The following TTC12 variants were observed in gnomAD, a reference collection of about 807,000 sequenced individuals.
The protein encoded by TTC12 is tetratricopeptide repeat protein 12.
TTC12 carries 70 observed loss-of-function variants against 90.1 expected under a neutral mutation model. The observed-to-expected ratio is 0.78, with a 90% CI of 0.64 to 0.95. The LOEUF is 0.95. TTC12 is among the 40% of genes least tolerant of loss of function. The pLI is 0.00. For missense variants in TTC12, 819 were observed against 846.1 expected (o/e 0.97, Z 0.40); for synonymous variants, 296 against 311.5 (o/e 0.95, Z 0.53).
intron 18 of TTC12, among the ~76,000 whole-genome samples, chr11:113,361,768 G>C (rs970323462): frequency 6.6e-6 from 1 of 151,940 alleles, no homozygotes; most frequent in Non-Finnish European, 1.5e-5. Context: ...GGCAGGTAAA[G>C]GGTCAACCAG....
chr11:113,330,071 C>G lies in TTC12; in HGVS notation c.504+92C>G, dbSNP rs114491813. The G allele has an allele frequency of 1.2e-3, 1,170 of 984,830 alleles. 8 individuals carry two copies. The African/African-American group carries it at 0.016, about 14-fold the overall frequency. The allele number at this position is 984,830 out of a possible 1,614,324, so 61.0% of individuals were successfully genotyped here. The stretch of plus-strand genomic sequence containing the variant: ...GTATCAAGATAGGAAAGGGTATAGC[C>G]TCTGTAGCCAGAGCTTCAGTTTCCT... On this transcript the variant is annotated intron_variant, in intron 7 of 21. Transcript: ENST00000529221.
downstream of TTC12, among the ~76,000 whole-genome samples, chr11:113,367,997 G>A (rs956175718): frequency 5.3e-5 from 8 of 152,300 alleles, no homozygotes; most frequent in Admixed American, 2.0e-4. Flanking sequence ...ACAGAATTCC[G>A]TGGAGCTTTG....
intron 21 of TTC12, 63 bp downstream of exon 21, chr11:113,365,123 G>A (rs985851382): frequency 2.7e-6 from 4 of 1,500,270 alleles, no homozygotes; most frequent in Admixed American, 3.5e-5. Context: ...CTGAGGTGCT[G>A]AGTTTTGGCT....
At chr11:113,324,759 A>C in intron 5 of TTC12, 77 bp downstream of exon 5, 1 of 1,275,194 alleles carries the variant, frequency 7.8e-7, no homozygotes. Flanking sequence ...GTATGCTGAC[A>C]TTTGAGGACA....
At chr11:113,333,127 A>G (rs1459801132) in intron 7 of TTC12, among the ~76,000 whole-genome samples, 1 of 151,922 alleles carries the variant, frequency 6.6e-6, no homozygotes, top group Non-Finnish European at 1.5e-5. Flanking sequence ...CTACCAGCTT[A>G]CCTCCACACT....
Position 113,339,374 on chromosome 11 carries a change from C to T in TTC12, c.726C>T (p.Ala242=), listed in dbSNP as rs35609733. The change falls in exon 10 of 22, where the codon GCC becomes GCT. Residue 242 remains alanine (A), a synonymous_variant. Transcript: ENST00000529221. ...HELLDSGKNT[A]VTTKNLLETL... ...TGCTGGATTCAGGAAAGAACACAGC[C>T]GTGACCACCAAGAACCTCCTGGAGA... is the stretch of plus-strand genomic sequence containing the variant. 1.9e-3 allele frequency: 3,049 copies of T among 1,613,826 alleles called. 52 individuals are homozygous for T. The African/African-American group carries it at 0.036, about 19-fold the overall frequency.
chr11:113,328,578 G>A (rs572755769), intron 6 of TTC12, among the ~76,000 whole-genome samples: 21 of 151,906 alleles, frequency 1.4e-4, no homozygotes, highest in Admixed American at 7.9e-4. Flanking sequence ...TGCTGTGCTC[G>A]GGAGGACAGA....
At chr11:113,351,330 A>G (rs1949281196) in intron 15 of TTC12, 31 bp downstream of exon 15, 1 of 1,595,280 alleles carries the variant, frequency 6.3e-7, no homozygotes, top group African/African-American at 1.3e-5. Context: ...ATCCTCTGTA[A>G]CAGACACTCT....
chr11:113,352,984 G>T (rs1380935489), intron 16 of TTC12, among the ~76,000 whole-genome samples: 1 of 152,146 alleles, frequency 6.6e-6, no homozygotes, highest in Non-Finnish European at 1.5e-5. Flanking sequence ...TGGGATTGCT[G>T]GGTCAAATGG....
chr11:113,322,209 TAAG>T (rs781907765), intron 2 of TTC12, among the ~76,000 whole-genome samples: 1 of 152,064 alleles, frequency 6.6e-6, no homozygotes, highest in African/African-American at 2.4e-5. Flanking sequence ...GAAAATGAAT[TAAG>T]AAGTTTAATT....
At chr11:113,327,087 G>A (rs1393587071) in intron 6 of TTC12, among the ~76,000 whole-genome samples, 2 of 152,118 alleles carry the variant, frequency 1.3e-5, no homozygotes, top group Non-Finnish European at 2.9e-5. Flanking sequence ...CAACAAAATT[G>A]AATTGCTTTA....
Position 113,339,311 on chromosome 11 carries a change from G to A in TTC12, c.663G>A (p.Gln221=), listed in dbSNP as rs372022716. The change falls in exon 10 of 22, where the codon CAG becomes CAA. Residue 221 remains glutamine (Q), a synonymous_variant. Coordinates refer to ENST00000529221, the MANE Select transcript of TTC12 (RefSeq NM_017868.4). The stretch of plus-strand genomic sequence containing the variant: ...GTTACCTGAATCAAGTAGATCTTCA[G>A]GAAAAAGCAGACCTTCAAGAAAAGG... ...VKGYLNQVDL[Q]EKADLQEKEA... is the part of the protein sequence containing the mutation. The A allele has an allele frequency of 2.9e-5, 46 of 1,608,068 alleles. No homozygotes were observed. Among genetic ancestry groups the A allele is most frequent in the Non-Finnish European group, 3.7e-5 (44 of 1,178,396 alleles).
At chr11:113,326,007 A>T (rs372245445) in intron 6 of TTC12, among the ~76,000 whole-genome samples, 2 of 152,130 alleles carry the variant, frequency 1.3e-5, no homozygotes, top group African/African-American at 4.8e-5. Flanking sequence ...GAATTCTGCT[A>T]CCAACATATT....
rs561472516 is a variant in TTC12, at chr11:113,350,620, G to T, written c.1247+455G>T. ...TGACCTCCTTCTGCCCCATGGCTTT[G>T]TGTTGTTTTGTTTTGTTTTGTCTAG... is the stretch of plus-strand genomic sequence containing the variant. On this transcript the variant is annotated intron_variant, in intron 14 of 21. Coordinates refer to ENST00000529221, the MANE Select transcript of TTC12 (RefSeq NM_017868.4). Among the ~76,000 whole-genome samples, 355 of 152,364 alleles carry T rather than the reference G, an allele frequency of 2.3e-3. 3 individuals are homozygous for T. Among genetic ancestry groups the T allele is most frequent in the African/African-American group, 8.2e-3 (342 of 41,588 alleles).
chr11:113,332,191 A>C (rs1232438034), intron 7 of TTC12, among the ~76,000 whole-genome samples: 1 of 152,246 alleles, frequency 6.6e-6, no homozygotes, highest in Non-Finnish European at 1.5e-5. Context: ...CTTCTTGCAC[A>C]ATGAAATACA....
intron 13 of TTC12, among the ~76,000 whole-genome samples, chr11:113,345,936 A>C (rs1948926836): frequency 6.6e-6 from 1 of 151,952 alleles, no homozygotes. Context: ...ACTCTCTCTA[A>C]GATAGTCAGA....
At chr11:113,319,878 G>A (rs1451312611) in intron 2 of TTC12, among the ~76,000 whole-genome samples, 1 of 152,114 alleles carries the variant, frequency 6.6e-6, no homozygotes, top group African/African-American at 2.4e-5. Flanking sequence ...TAATGCTCCT[G>A]CCCTACGTGA....
chr11:113,330,853 C>T (rs1252177663), intron 7 of TTC12, among the ~76,000 whole-genome samples: 2 of 152,170 alleles, frequency 1.3e-5, no homozygotes, highest in African/African-American at 4.8e-5. Flanking sequence ...GATATAACAG[C>T]ATGATTTTCA....
chr11:113,350,057 T>G lies in TTC12; in HGVS notation c.1155-16T>G. On this transcript the variant is annotated splice_polypyrimidine_tract_variant and intron_variant, in intron 13 of 21. Coordinates refer to ENST00000529221, the MANE Select transcript of TTC12 (RefSeq NM_017868.4). ...TGGAGGACAGCTACCTCTGAGGTTA[T>G]TATGGTTTTTTGCAGATTATTGGAA... The G allele has an allele frequency of 6.2e-7, 1 of 1,607,778 alleles. No homozygotes were observed. The highest frequency in any genetic ancestry group is 1.3e-5 in the African/African-American group (1 of 74,898).
Sources: allele counts gnomAD v4.1 joint callset (sites outside exome capture counted in the v4.1 genomes callset), GRCh38; gene constraint gnomAD v4.1.1; transcripts MANE v1.5; gene names NCBI Gene and HGNC (gene_info 2026-07-23, HGNC 2026-07-21).